DIO2: variants seen among roughly 807,000 people sequenced by gnomAD.
The protein encoded by DIO2 is type II iodothyronine deiodinase.
In DIO2, 19 loss-of-function variants were observed where a neutral mutation model predicts 21.4. That is an observed-to-expected ratio of 0.89 (90% CI 0.62 to 1.30). DIO2 has a LOEUF of 1.30. Ranked by LOEUF, DIO2 falls within the 50% of genes most tolerant of loss-of-function variation. The probability of loss-of-function intolerance (pLI) is 0.00; values close to 1 mark genes in which losing one functional copy is unlikely to be tolerated. For synonymous variants in DIO2, 122 were observed against 132.9 expected, an observed-to-expected ratio of 0.92 and a Z score of 0.57; for missense variants, 302 against 338.1, an observed-to-expected ratio of 0.89 and a Z score of 0.84.
Position 80,199,880 on chromosome 14 carries a change from AATAG to A in DIO2, c.*2805_*2808del, listed in dbSNP as rs1887644965. 1 of 152,724 alleles carries A rather than the reference AATAG, an allele frequency of 6.5e-6. No homozygotes were observed. The highest frequency in any genetic ancestry group is 2.1e-4 in the South Asian group (1 of 4,824). 9.5% of individuals were successfully genotyped at this position (152,724 alleles called of 1,614,324 possible). A position where few individuals can be genotyped will look rare whatever the true frequency, so the allele number is the denominator to read the frequency against. ...TCATAGATTTATACTATGATATATA[AATAG>A]ATACACATTTCCCTGTGGGACTAAG... is the stretch of plus-strand genomic sequence containing the variant. On this transcript the variant is annotated 3_prime_UTR_variant, in exon 2 of 2. Coordinates refer to ENST00000438257, the MANE Select transcript of DIO2 (RefSeq NM_013989.5).
chr14:80,219,696 C>T (rs981440516), intron 2 of DIO2, among the ~76,000 whole-genome samples: 1 of 151,958 alleles, frequency 6.6e-6, no homozygotes, highest in Non-Finnish European at 1.5e-5. Context: ...TGCTATAATA[C>T]GTGCTATAAT....
chr14:80,220,230 A>G (rs1293006374), intron 2 of DIO2, among the ~76,000 whole-genome samples: 1 of 152,160 alleles, frequency 6.6e-6, no homozygotes, highest in East Asian at 1.9e-4. Flanking sequence ...GCCCGCCACC[A>G]TGCAATCATT....
At chr14:80,228,839 C>A (rs1380008055) in intron 2 of DIO2, among the ~76,000 whole-genome samples, 1 of 152,168 alleles carries the variant, frequency 6.6e-6, no homozygotes, top group African/African-American at 2.4e-5. Flanking sequence ...TGGAGGACCA[C>A]AATGACATTT....
rs1888391518 is a variant in DIO2, at chr14:80,218,034, C to T, written c.-277-1297G>A. ...CAAAATGGAGGTTAAAATGTTTTCTCATATTTATGCCATGTTGATGGGTAA... is the reference window on the plus strand; with the variant it reads ...CAAAATGGAGGTTAAAATGTTTTCTTATATTTATGCCATGTTGATGGGTAA... On this transcript the variant is annotated intron_variant, in intron 2 of 4. Coordinates refer to the DIO2 transcript ENST00000553594. 3.3e-5 allele frequency among the ~76,000 whole-genome samples: 5 copies of T among 152,198 alleles called. No homozygotes were observed. The South Asian group carries it at 1.0e-3, about 32-fold the overall frequency.
chr14:80,227,773 A>G (rs1888605163), intron 2 of DIO2, among the ~76,000 whole-genome samples: 2 of 152,064 alleles, frequency 1.3e-5, no homozygotes, highest in African/African-American at 4.8e-5. Context: ...TCTGGATTCC[A>G]CTCAAAAATG....
Position 80,198,991 on chromosome 14 carries a change from G to C in DIO2, c.*3698C>G, listed in dbSNP as rs923324944. ...TTTTCCAAACCATCAGTCAGAGGTC[G>C]GGTGGAACAAATGTCCAGATTCATC... On this transcript the variant is annotated 3_prime_UTR_variant, in exon 2 of 2. Coordinates refer to ENST00000438257, the MANE Select transcript of DIO2 (RefSeq NM_013989.5). 6.6e-6 allele frequency: 1 copy of C among 152,154 alleles called. No individual in the cohort carries two copies. The highest frequency in any genetic ancestry group is 1.5e-5 in the Non-Finnish European group (1 of 68,036). 9.4% of individuals were successfully genotyped at this position (152,154 alleles called of 1,614,324 possible).
intron 2 of DIO2, among the ~76,000 whole-genome samples, chr14:80,221,593 T>C (rs374224407): frequency 6.6e-6 from 1 of 152,186 alleles, no homozygotes. Context: ...CAAAATGCAA[T>C]GTACTACAAG....
intron 1 of DIO2, among the ~76,000 whole-genome samples, chr14:80,206,855 G>A (rs1887976265): frequency 1.3e-5 from 2 of 152,078 alleles, no homozygotes; most frequent in Non-Finnish European, 2.9e-5. Flanking sequence ...TTACTCTTGC[G>A]GAAGAGTAAT....
At position 80,201,037 on chromosome 14, in the gene DIO2, T is replaced by C. The variant is rs1349111239; in HGVS notation, c.*1652A>G. On this transcript the variant is annotated 3_prime_UTR_variant, in exon 2 of 2. Transcript: ENST00000438257. ...ACTATGATTTCATAATAGTCTCATATTTACCAAAAAGAAATTATGATACGA... is the reference window on the plus strand; with the variant it reads ...ACTATGATTTCATAATAGTCTCATACTTACCAAAAAGAAATTATGATACGA... The C allele has an allele frequency of 6.6e-6, 1 of 152,058 alleles. No individual in the cohort carries two copies. The highest frequency in any genetic ancestry group is 2.4e-5 in the African/African-American group (1 of 41,444). 9.4% of individuals were successfully genotyped at this position (152,058 alleles called of 1,614,324 possible). A position where few individuals can be genotyped will look rare whatever the true frequency, so the allele number is the denominator to read the frequency against.
At chr14:80,209,484 C>A (rs972430183) in intron 1 of DIO2, among the ~76,000 whole-genome samples, 1 of 152,012 alleles carries the variant, frequency 6.6e-6, no homozygotes, top group Admixed American at 6.6e-5. Context: ...GAAGAGGGAA[C>A]TTCCTAATTA....
rs1271546595 is a variant in DIO2, at chr14:80,199,435, A to G, written c.*3254T>C. ...CCAGAGACCCAATGTGAAAAAAGAAAGTCATGTAAGTTAAGTGACTGTCAC... is the reference window on the plus strand; with the variant it reads ...CCAGAGACCCAATGTGAAAAAAGAAGGTCATGTAAGTTAAGTGACTGTCAC... On this transcript the variant is annotated 3_prime_UTR_variant, in exon 2 of 2. Coordinates refer to ENST00000438257, the MANE Select transcript of DIO2 (RefSeq NM_013989.5). 6.6e-6 allele frequency: 1 copy of G among 152,218 alleles called. No individual in the cohort carries two copies. Among genetic ancestry groups the G allele is most frequent in the African/African-American group, 2.4e-5 (1 of 41,434 alleles). The allele number at this position is 152,218 out of a possible 1,614,324, so 9.4% of individuals were successfully genotyped here.
intron 1 of DIO2, among the ~76,000 whole-genome samples, chr14:80,204,695 C>T (rs1887881105): frequency 6.6e-6 from 1 of 152,158 alleles, no homozygotes; most frequent in East Asian, 1.9e-4. Flanking sequence ...TACAGCCACA[C>T]ATAATGCTAC....
intron 1 of DIO2, among the ~76,000 whole-genome samples, chr14:80,210,715 C>A (rs1888144879): frequency 6.6e-6 from 1 of 152,164 alleles, no homozygotes; most frequent in Non-Finnish European, 1.5e-5. Context: ...ACTCTTACCT[C>A]TACCAGAAAC....
At chr14:80,204,545 C>T (rs975871276) in intron 1 of DIO2, among the ~76,000 whole-genome samples, 22 of 152,210 alleles carry the variant, frequency 1.4e-4, no homozygotes, top group Non-Finnish European at 2.1e-4. Flanking sequence ...TGAATTAATA[C>T]GATTGGATCT....
intron 1 of DIO2, among the ~76,000 whole-genome samples, chr14:80,204,962 T>G (rs1404562567): frequency 6.6e-6 from 1 of 152,180 alleles, no homozygotes; most frequent in African/African-American, 2.4e-5. Context: ...GCTGCTGGTG[T>G]GATTTAAGTA....
intron 2 of DIO2, among the ~76,000 whole-genome samples, chr14:80,221,514 A>G (rs1227332826): frequency 6.6e-6 from 1 of 152,160 alleles, no homozygotes; most frequent in South Asian, 2.1e-4. Context: ...TGCAGTACAC[A>G]TGCTGACTCA....
intron 2 of DIO2, among the ~76,000 whole-genome samples, chr14:80,218,968 ACT>A (rs1888410810): frequency 6.6e-6 from 1 of 152,024 alleles, no homozygotes; most frequent in African/African-American, 2.4e-5. Flanking sequence ...ACAGAGTGAG[ACT>A]CTGTCTCAAA....
In DIO2 at chr14:80,203,151, A is replaced by T. The variant is rs763409434; in HGVS notation, c.360T>A (p.Pro120=). The change falls in exon 2 of 2, where the codon CCT becomes CCA. Residue 120 remains proline (P), a synonymous_variant. Coordinates refer to ENST00000438257, the MANE Select transcript of DIO2 (RefSeq NM_013989.5). ...ATCHLLDFAS[P]ERPLVVNFGS... is the part of the protein sequence containing the mutation. ...CAAAGTTGACCACTAGTGGGCGCTC[A>T]GGGCTGGCAAAGTCAAGAAGGTGGC... The T allele has an allele frequency of 1.3e-5, 21 of 1,612,776 alleles. No individual in the cohort carries two copies. In the South Asian group the frequency reaches 1.8e-4, roughly 14 times the overall value.
In DIO2 at chr14:80,203,094, C is replaced by A; in HGVS notation, c.417G>T (p.Gln139His). The A allele has an allele frequency of 6.2e-7, 1 of 1,613,912 alleles. No individual in the cohort carries two copies. Among genetic ancestry groups the A allele is most frequent in the Non-Finnish European group, 8.5e-7 (1 of 1,179,856 alleles). ...CCACCAGTTTGCGGAAGGCTGGCAG[C>A]TGGCTCGTGAAAGGAGGTCAAGTGG... is the stretch of plus-strand genomic sequence containing the variant. ...GSATUPPFTS[Q>H]LPAFRKLVEE... The change falls in exon 2 of 2, where the codon CAG (glutamine) becomes CAT (histidine). Residue 139 changes from glutamine to histidine, a missense_variant. Transcript: ENST00000438257.
Sources: allele counts gnomAD v4.1 joint callset (sites outside exome capture counted in the v4.1 genomes callset), GRCh38; gene constraint gnomAD v4.1.1; transcripts MANE v1.5; gene names NCBI Gene and HGNC (gene_info 2026-07-23, HGNC 2026-07-21).